Variants in ENOX1 observed in about 807,000 individuals in gnomAD.
ENOX1 encodes ecto-NOX disulfide-thiol exchanger 1.
ENOX1 carries 42 observed loss-of-function variants against 82.5 expected under a neutral mutation model. That is an observed-to-expected ratio of 0.51 (90% CI 0.40 to 0.66). The LOEUF is 0.66. Among genes scored for constraint, ENOX1 ranks in the 30% least tolerant of loss-of-function variants. ENOX1 has a pLI of 0.00. For missense variants in ENOX1, 608 were observed against 811.6 expected (o/e 0.75, Z 3.05); for synonymous variants, 271 against 282.2 (o/e 0.96, Z 0.40).
intron 15 of ENOX1, among the ~76,000 whole-genome samples, chr13:43,225,394 G>A (rs781395692): frequency 2.6e-5 from 4 of 152,182 alleles, no homozygotes; most frequent in Non-Finnish European, 4.4e-5. Context: ...AATCCTGCAC[G>A]TGTACCCCTG....
chr13:43,746,444 A>T (rs997180053), intron 1 of ENOX1, among the ~76,000 whole-genome samples: 2 of 152,132 alleles, frequency 1.3e-5, no homozygotes, highest in Non-Finnish European at 2.9e-5. Context: ...TGAAGGGCAG[A>T]TGGAGGTTAG....
intron 9 of ENOX1, among the ~76,000 whole-genome samples, chr13:43,330,898 C>G (rs2048375786): frequency 6.6e-6 from 1 of 152,114 alleles, no homozygotes; most frequent in Non-Finnish European, 1.5e-5. Context: ...TTAAACAAAC[C>G]CATAAGACTA....
intron 1 of ENOX1, among the ~76,000 whole-genome samples, chr13:43,756,972 C>CAAAAAAAAAAAAAAAAA (rs1164153402): frequency 3.6e-5 from 1 of 28,060 alleles, no homozygotes; most frequent in African/African-American, 9.1e-5. Flanking sequence ...AAAACAACAA[C>CAAAAAAAAAAAAAAAAA]AAAAAAAAAA....
chr13:43,576,625 T>C (rs138176757), intron 2 of ENOX1, among the ~76,000 whole-genome samples: 2 of 152,294 alleles, frequency 1.3e-5, no homozygotes, highest in Non-Finnish European at 2.9e-5. Flanking sequence ...TTTTAGCCCA[T>C]GAGACCAATT....
chr13:43,526,620 A>C (rs2153685747), intron 2 of ENOX1, among the ~76,000 whole-genome samples: 1 of 152,248 alleles, frequency 6.6e-6, no homozygotes, highest in East Asian at 1.9e-4. Flanking sequence ...GCTACTATAT[A>C]ATTTCTCTCT....
chr13:43,403,059 C>T lies in ENOX1; in HGVS notation c.208+8857G>A, dbSNP rs535604991. ...TATATTATAGATTATATATTTAATA[C>T]ATGTACATATGTCAATATGCATGCA... On this transcript the variant is annotated intron_variant, in intron 5 of 16. Coordinates refer to ENST00000690772, the MANE Select transcript of ENOX1 (RefSeq NM_001347969.2). Among the ~76,000 whole-genome samples the T allele has an allele frequency of 1.9e-4, 29 of 151,988 alleles. No individual in the cohort carries two copies. In the South Asian group the frequency reaches 6.0e-3, roughly 32 times the overall value.
chr13:43,642,262 C>T (rs1343699175), intron 2 of ENOX1, among the ~76,000 whole-genome samples: 1 of 152,122 alleles, frequency 6.6e-6, no homozygotes, highest in Non-Finnish European at 1.5e-5. Flanking sequence ...TTTTATCTGT[C>T]TCTCTTTATG....
At chr13:43,683,930 G>T (rs2153799343) in intron 1 of ENOX1, among the ~76,000 whole-genome samples, 1 of 152,044 alleles carries the variant, frequency 6.6e-6, no homozygotes, top group South Asian at 2.1e-4. Context: ...TGCCTCCATA[G>T]ATTACCCTCT....
intron 2 of ENOX1, among the ~76,000 whole-genome samples, chr13:43,568,354 T>G (rs994436835): frequency 1.3e-5 from 2 of 152,180 alleles, no homozygotes; most frequent in African/African-American, 4.8e-5. Context: ...AGTATCTGAC[T>G]TAAAATTCCA....
Position 43,749,514 on chromosome 13 carries a change from C to A in ENOX1, c.-285+37138G>T, listed in dbSNP as rs561125184. ...CTTGGAGAAGAGAGCCATGGAAATG[C>A]TGGGCTTGGTGACAACAGCAAGGAC... is the stretch of plus-strand genomic sequence containing the variant. On this transcript the variant is annotated intron_variant, in intron 1 of 16. Coordinates refer to ENST00000690772, the MANE Select transcript of ENOX1 (RefSeq NM_001347969.2). Among the ~76,000 whole-genome samples the A allele has an allele frequency of 9.2e-5, 14 of 152,362 alleles. No homozygotes were observed. The East Asian group carries it at 2.5e-3, about 27-fold the overall frequency.
At chr13:43,517,882 C>T (rs898961331) in intron 2 of ENOX1, among the ~76,000 whole-genome samples, 1 of 152,118 alleles carries the variant, frequency 6.6e-6, no homozygotes. Context: ...CATCTATGAA[C>T]AACAAAGTTG....
At chr13:43,324,594 T>C (rs2048002506) in intron 10 of ENOX1, among the ~76,000 whole-genome samples, 1 of 152,180 alleles carries the variant, frequency 6.6e-6, no homozygotes, top group African/African-American at 2.4e-5. Context: ...AAATCACAGC[T>C]AATTTAGAAT....
At chr13:43,319,036 A>G (rs1266221222) in intron 11 of ENOX1, among the ~76,000 whole-genome samples, 1 of 152,076 alleles carries the variant, frequency 6.6e-6, no homozygotes, top group African/African-American at 2.4e-5. Flanking sequence ...AGAGGGAGGG[A>G]GGAAGAGAGA....
In ENOX1 at chr13:43,534,272, T is replaced by G. The variant is rs528423274; in HGVS notation, c.-218-50120A>C. Among the ~76,000 whole-genome samples, 8 of 152,214 alleles carry G rather than the reference T, an allele frequency of 5.3e-5. No homozygotes were observed. In the East Asian group the frequency reaches 1.2e-3, roughly 22 times the overall value. On this transcript the variant is annotated intron_variant, in intron 2 of 16. Coordinates refer to ENST00000690772, the MANE Select transcript of ENOX1 (RefSeq NM_001347969.2). ...GATAACTGCACCTGGGCTACAGGCT[T>G]GTGTTCTGAAGAACAGGCTCAGTGT...
At chr13:43,532,035 T>A (rs2078252509) in intron 2 of ENOX1, among the ~76,000 whole-genome samples, 1 of 152,068 alleles carries the variant, frequency 6.6e-6, no homozygotes, top group African/African-American at 2.4e-5. Flanking sequence ...GTAGCAAACC[T>A]GCACGTTGTG....
intron 1 of ENOX1, among the ~76,000 whole-genome samples, chr13:43,711,946 T>C (rs2087750971): frequency 6.9e-6 from 1 of 145,194 alleles, no homozygotes; most frequent in East Asian, 2.0e-4. Flanking sequence ...TTTGTCAATT[T>C]TGGCTTTTGT....
intron 1 of ENOX1, among the ~76,000 whole-genome samples, chr13:43,707,352 C>T (rs944434239): frequency 6.6e-6 from 1 of 152,064 alleles, no homozygotes; most frequent in African/African-American, 2.4e-5. Context: ...TCAATGCCAT[C>T]CCAATGAAAA....
At position 43,214,179 on chromosome 13, in the gene ENOX1, G is replaced by A. The variant is rs2041336566; in HGVS notation, c.1801-58C>T. 18 of 1,570,810 alleles carry A rather than the reference G, an allele frequency of 1.1e-5. No homozygotes were observed. The South Asian group carries it at 2.1e-4, about 18-fold the overall frequency. ...AAGGAACTCATCTTAAAGGAGGAAT[G>A]GATTGGGGAAGGATGAGCTTTCCCA... On this transcript the variant is annotated intron_variant, in intron 16 of 16. Transcript: ENST00000690772.
At chr13:43,702,748 C>G (rs2086978714) in intron 1 of ENOX1, among the ~76,000 whole-genome samples, 2 of 151,816 alleles carry the variant, frequency 1.3e-5, no homozygotes, top group Non-Finnish European at 2.9e-5. Context: ...GTCAGAAGTT[C>G]GAGGCCAGCC....
Sources: allele counts gnomAD v4.1 joint callset (sites outside exome capture counted in the v4.1 genomes callset), GRCh38; gene constraint gnomAD v4.1.1; transcripts MANE v1.5; gene names NCBI Gene and HGNC (gene_info 2026-07-23, HGNC 2026-07-21).